The following CFAP210 variants were observed in gnomAD, a reference collection of about 807,000 sequenced individuals.
CFAP210 encodes the protein cilia- and flagella- associated protein 210.
chr2:169,662,189 C>G, the CFAP210 span: 1 of 1,344,552 alleles, frequency 7.4e-7, no homozygotes. Flanking sequence ...CACATGTACT[C>G]CATAAACATG....
chr2:169,662,167 G>T, the CFAP210 span: 1 of 1,074,070 alleles, frequency 9.3e-7, no homozygotes, highest in Non-Finnish European at 1.4e-6. Flanking sequence ...ATGTATGCAT[G>T]GGTCAAAATA....
the CFAP210 span, among the ~76,000 whole-genome samples, chr2:169,651,111 C>T: frequency 6.6e-6 from 1 of 151,356 alleles, no homozygotes; most frequent in African/African-American, 2.4e-5. Context: ...CCTGTAATCC[C>T]AGCTACTCAG....
the CFAP210 span, among the ~76,000 whole-genome samples, chr2:169,647,052 A>G: frequency 6.6e-6 from 1 of 152,140 alleles, no homozygotes; most frequent in African/African-American, 2.4e-5. Flanking sequence ...GAATAGAGCA[A>G]CCATATTAGT....
the CFAP210 span, among the ~76,000 whole-genome samples, chr2:169,676,248 C>G: frequency 6.6e-6 from 1 of 151,734 alleles, no homozygotes; most frequent in Non-Finnish European, 1.5e-5. Context: ...GTGTCTATAT[C>G]ATAGTTTTTA....
At chr2:169,690,687 T>G in the CFAP210 span, among the ~76,000 whole-genome samples, 1 of 151,980 alleles carries the variant, frequency 6.6e-6, no homozygotes, top group Non-Finnish European at 1.5e-5. Flanking sequence ...AAAGAATTCT[T>G]GAAGACTTTT....
chr2:169,692,950 C>T, the CFAP210 span, among the ~76,000 whole-genome samples: 1 of 152,280 alleles, frequency 6.6e-6, no homozygotes, highest in South Asian at 2.1e-4. Context: ...AAAAACCTTG[C>T]TGTTGTTACA....
chr2:169,660,953 T>C, the CFAP210 span: 1 of 473,800 alleles, frequency 2.1e-6, no homozygotes, highest in Non-Finnish European at 4.1e-6. Context: ...CTATAATAGC[T>C]GAAATCATTC....
At chr2:169,661,515 C>A in the CFAP210 span, among the ~76,000 whole-genome samples, 1 of 152,172 alleles carries the variant, frequency 6.6e-6, no homozygotes, top group African/African-American at 2.4e-5. Flanking sequence ...AGCAGTGGCA[C>A]TGGGACGAGA....
At chr2:169,646,183 C>A in the CFAP210 span, 3 of 1,599,368 alleles carry the variant, frequency 1.9e-6, no homozygotes, top group Non-Finnish European at 1.7e-6. Flanking sequence ...TATTTTTGGC[C>A]TATTTGGGAA....
chr2:169,648,162 C>CAA, the CFAP210 span: 86 of 101,702 alleles, frequency 8.5e-4, no homozygotes, highest in East Asian at 3.1e-3. Flanking sequence ...AACTCTGTCT[C>CAA]AAAAAAAAAA....
At chr2:169,652,999 C>CA in the CFAP210 span, among the ~76,000 whole-genome samples, 5 of 7,732 alleles carry the variant, frequency 6.5e-4, 1 homozygote, top group African/African-American at 8.9e-4. Flanking sequence ...GACTCCGTCT[C>CA]AAAAAAAAAA....
chr2:169,675,084 T>C, the CFAP210 span: 6 of 1,327,442 alleles, frequency 4.5e-6, no homozygotes, highest in Non-Finnish European at 4.0e-6. Flanking sequence ...TTTTTCAATT[T>C]AATTTTACTA....
the CFAP210 span, among the ~76,000 whole-genome samples, chr2:169,652,600 A>G: frequency 6.6e-6 from 1 of 152,138 alleles, no homozygotes; most frequent in Non-Finnish European, 1.5e-5. Context: ...GCAACATAGC[A>G]AGACCTCATC....
At chr2:169,654,133 T>C in the CFAP210 span, 1 of 1,606,190 alleles carries the variant, frequency 6.2e-7, no homozygotes. Context: ...TTTGCTTTGA[T>C]GAATTTTCTC....
chr2:169,669,391 T>C, the CFAP210 span, among the ~76,000 whole-genome samples: 1 of 152,264 alleles, frequency 6.6e-6, no homozygotes, highest in East Asian at 1.9e-4. Context: ...TGGAAAGCCA[T>C]TGAAGTGCTT....
chr2:169,675,066 TG>T, the CFAP210 span: 1 of 1,413,580 alleles, frequency 7.1e-7, no homozygotes, highest in Non-Finnish European at 9.2e-7. Context: ...CACAATTTTT[TG>T]TTTTCATTTT....
chr2:169,656,331 GAGAAGGAGA>G, the CFAP210 span, among the ~76,000 whole-genome samples: 1 of 150,354 alleles, frequency 6.7e-6, no homozygotes, highest in African/African-American at 2.5e-5. Context: ...GAAGAAGGAG[GAGAAGGAGA>G]AGAGAGGAAG....
the CFAP210 span, among the ~76,000 whole-genome samples, chr2:169,677,357 T>C: frequency 6.6e-6 from 1 of 152,204 alleles, no homozygotes; most frequent in South Asian, 2.1e-4. Context: ...GGATAATACA[T>C]TAAGACCAAT....
At chr2:169,694,338 G>C in the CFAP210 span, 1 of 1,613,694 alleles carries the variant, frequency 6.2e-7, no homozygotes. Flanking sequence ...GATGCTCCTA[G>C]ATCTGGAAAA....
Sources: gnomAD v4.1 joint callset for allele counts (sites outside exome capture counted in the v4.1 genomes callset) on GRCh38, gnomAD v4.1.1 for gene constraint, MANE v1.5 for transcripts, NCBI Gene and HGNC (gene_info 2026-07-23, HGNC 2026-07-21) for gene names.